CHLSN: variants seen among roughly 807,000 people sequenced by gnomAD.
CHLSN encodes the protein protein cholesin.
the CHLSN span, among the ~76,000 whole-genome samples, chr7:1,105,760 A>G: frequency 0.69 from 104,440 of 152,174 alleles, 37,203 homozygotes; most frequent in African/African-American, 0.87. Flanking sequence ...GATTACAGGC[A>G]CACGCCACGC....
the CHLSN span, among the ~76,000 whole-genome samples, chr7:1,133,949 G>A: frequency 6.6e-6 from 1 of 151,984 alleles, no homozygotes; most frequent in South Asian, 2.1e-4. Context: ...TGGCACTACA[G>A]GTGTACACCA....
At chr7:1,127,438 C>A in the CHLSN span, 1 of 1,516,926 alleles carries the variant, frequency 6.6e-7, no homozygotes. Context: ...AGGCTTAACT[C>A]ATGTAAGATT....
the CHLSN span, chr7:1,093,241 G>A: frequency 1.1e-3 from 542 of 477,570 alleles, 5 homozygotes; most frequent in African/African-American, 9.8e-3. Flanking sequence ...TGGGTGAAGC[G>A]CCTCAGTTAC....
chr7:1,095,189 C>A, the CHLSN span, among the ~76,000 whole-genome samples: 1 of 152,136 alleles, frequency 6.6e-6, no homozygotes, highest in Non-Finnish European at 1.5e-5. Context: ...TCTGGAGCTC[C>A]TTCCAGGCCC....
the CHLSN span, among the ~76,000 whole-genome samples, chr7:1,015,383 CCT>C: frequency 6.6e-6 from 1 of 152,206 alleles, no homozygotes; most frequent in South Asian, 2.1e-4. Context: ...TGTGCAAGTC[CCT>C]GTCTCATGAA....
the CHLSN span, among the ~76,000 whole-genome samples, chr7:1,124,992 G>A: frequency 6.6e-5 from 10 of 152,182 alleles, no homozygotes; most frequent in East Asian, 1.9e-4. Context: ...TCCCTCGCCC[G>A]GGGGGTGGCA....
the CHLSN span, chr7:983,192 GC>G: frequency 6.8e-7 from 1 of 1,468,156 alleles, no homozygotes; most frequent in Non-Finnish European, 9.1e-7. Flanking sequence ...GGGGAGTGGA[GC>G]CTCACCAGCC....
At chr7:1,053,279 C>A in the CHLSN span, among the ~76,000 whole-genome samples, 10 of 152,272 alleles carry the variant, frequency 6.6e-5, no homozygotes, top group African/African-American at 2.2e-4. Flanking sequence ...CCCAGGCCAT[C>A]CCCCTCACTC....
the CHLSN span, among the ~76,000 whole-genome samples, chr7:1,070,565 CACACGCAA>C: frequency 5.9e-5 from 9 of 151,370 alleles, no homozygotes; most frequent in South Asian, 2.1e-4. Context: ...CACACGTGCA[CACACGCAA>C]ACACGCACAC....
the CHLSN span, among the ~76,000 whole-genome samples, chr7:1,071,042 C>T: frequency 3.3e-5 from 5 of 152,254 alleles, no homozygotes; most frequent in Non-Finnish European, 7.3e-5. Context: ...GTACATGCAG[C>T]CCCGAGGCAG....
At chr7:1,055,455 C>A in the CHLSN span, 2 of 462,788 alleles carry the variant, frequency 4.3e-6, no homozygotes, top group Non-Finnish European at 8.8e-6. Flanking sequence ...GGGCCCACAG[C>A]ACCAAGAGGC....
the CHLSN span, among the ~76,000 whole-genome samples, chr7:993,227 C>A: frequency 5.3e-5 from 8 of 152,270 alleles, 1 homozygote; most frequent in Middle Eastern, 3.4e-3. Context: ...GCAGCTGGAG[C>A]GCGTGGAGAG....
the CHLSN span, among the ~76,000 whole-genome samples, chr7:1,029,864 G>C: frequency 1.3e-5 from 2 of 152,330 alleles, no homozygotes. Flanking sequence ...CCCATGCAGA[G>C]GCCTGCTCTG....
the CHLSN span, among the ~76,000 whole-genome samples, chr7:1,132,793 G>A: frequency 6.8e-6 from 1 of 147,586 alleles, no homozygotes; most frequent in African/African-American, 2.5e-5. Flanking sequence ...AATATATAAA[G>A]ACCTCTAACA....
the CHLSN span, among the ~76,000 whole-genome samples, chr7:1,004,598 TGGCCTC>T: frequency 6.6e-6 from 1 of 152,112 alleles, no homozygotes; most frequent in African/African-American, 2.4e-5. Context: ...GTCCCGCTCT[TGGCCTC>T]GTCACTGGGG....
At chr7:1,014,960 G>A in the CHLSN span, among the ~76,000 whole-genome samples, 18 of 152,318 alleles carry the variant, frequency 1.2e-4, no homozygotes, top group African/African-American at 3.4e-4. Flanking sequence ...CAGGCTGTGC[G>A]GTGAGAGCCC....
chr7:1,075,576 A>G, the CHLSN span, among the ~76,000 whole-genome samples: 1 of 151,248 alleles, frequency 6.6e-6, no homozygotes, highest in Non-Finnish European at 1.5e-5. Flanking sequence ...GGGCTCTTGA[A>G]GCTGACCAAG....
chr7:1,010,402 C>T, the CHLSN span, among the ~76,000 whole-genome samples: 1 of 152,238 alleles, frequency 6.6e-6, no homozygotes, highest in Non-Finnish European at 1.5e-5. Context: ...CTTCCCCACC[C>T]CCGTGGTCCA....
chr7:1,095,911 C>T, the CHLSN span, among the ~76,000 whole-genome samples: 2 of 152,230 alleles, frequency 1.3e-5, no homozygotes, highest in African/African-American at 2.4e-5. Context: ...GCCCAACCTC[C>T]TCTAAAGCCT....
Sources: gnomAD v4.1 joint callset for allele counts (sites outside exome capture counted in the v4.1 genomes callset) on GRCh38, gnomAD v4.1.1 for gene constraint, MANE v1.5 for transcripts, NCBI Gene and HGNC (gene_info 2026-07-23, HGNC 2026-07-21) for gene names.